LRRC69: variants seen among roughly 807,000 people sequenced by gnomAD.
LRRC69 encodes leucine-rich repeat-containing protein 69.
LRRC69 carries 42 observed loss-of-function variants against 37.8 expected under a neutral mutation model. The ratio of observed to expected loss-of-function variants is 1.11; its 90% CI spans 0.87 to 1.44. LRRC69 has a LOEUF of 1.44. LRRC69 is among the 40% of genes most tolerant of loss of function. LRRC69 has a pLI of 0.00. For missense variants in LRRC69, 357 were observed against 401.9 expected, an observed-to-expected ratio of 0.89 and a Z score of 0.96; for synonymous variants, 141 against 143.1, an observed-to-expected ratio of 0.99 and a Z score of 0.11.
At chr8:91,122,008 A>G (rs1162019514) in intron 1 of LRRC69, among the ~76,000 whole-genome samples, 1 of 152,086 alleles carries the variant, frequency 6.6e-6, no homozygotes, top group Non-Finnish European at 1.5e-5. Context: ...GTTACTATGT[A>G]TCTTCATATA....
At chr8:91,158,106 C>T (rs905853038) in intron 5 of LRRC69, 2 of 1,543,448 alleles carry the variant, frequency 1.3e-6, no homozygotes, top group Non-Finnish European at 1.8e-6. Context: ...GAGAGTTCTA[C>T]ATTTATTCCA....
chr8:91,157,894 CA>C, intron 5 of LRRC69: 1 of 1,584,318 alleles, frequency 6.3e-7, no homozygotes, highest in Non-Finnish European at 8.7e-7. Context: ...GAGAGTTTTA[CA>C]TAGGCTCAAA....
At chr8:91,144,199 C>A (rs1373482534) in intron 5 of LRRC69, among the ~76,000 whole-genome samples, 1 of 151,964 alleles carries the variant, frequency 6.6e-6, no homozygotes, top group Non-Finnish European at 1.5e-5. Context: ...TCTCTGAAGG[C>A]TTTCAAAGCC....
At chr8:91,124,762 A>C (rs1813690478) in intron 2 of LRRC69, 143 bp downstream of exon 2, 1 of 640,342 alleles carries the variant, frequency 1.6e-6, no homozygotes. Context: ...GAAATATAGG[A>C]GGAGACAACA....
chr8:91,208,591 G>A (rs1327580949), intron 7 of LRRC69, among the ~76,000 whole-genome samples: 1 of 152,098 alleles, frequency 6.6e-6, no homozygotes, highest in Non-Finnish European at 1.5e-5. Flanking sequence ...CCATTCTACT[G>A]GAAAGTTTAC....
At chr8:91,115,475 G>A (rs1168501823) in intron 1 of LRRC69, among the ~76,000 whole-genome samples, 2 of 151,936 alleles carry the variant, frequency 1.3e-5, no homozygotes, top group Admixed American at 1.3e-4. Flanking sequence ...GTATTTAAAG[G>A]TTCTGTGGAA....
chr8:91,158,513 A>C, intron 5 of LRRC69: 1 of 1,120,740 alleles, frequency 8.9e-7, no homozygotes, highest in Non-Finnish European at 1.4e-6. Context: ...AGATGAAGCC[A>C]ATGGGCGATG....
intron 5 of LRRC69, among the ~76,000 whole-genome samples, chr8:91,163,792 T>A (rs1475438952): frequency 6.7e-6 from 1 of 150,352 alleles, no homozygotes; most frequent in Non-Finnish European, 1.5e-5. Context: ...TAGAAAAAAA[T>A]TAAAAGATTA....
chr8:91,140,603 A>G (rs1022750854), intron 5 of LRRC69, among the ~76,000 whole-genome samples: 2 of 151,100 alleles, frequency 1.3e-5, no homozygotes, highest in African/African-American at 4.8e-5. Flanking sequence ...ATTATATATT[A>G]AGCACTTTCC....
At chr8:91,208,289 G>A (rs2130640126) in intron 7 of LRRC69, among the ~76,000 whole-genome samples, 1 of 152,240 alleles carries the variant, frequency 6.6e-6, no homozygotes, top group African/African-American at 2.4e-5. Context: ...ACCTGGTGAT[G>A]TGGATTTAAA....
chr8:91,176,134 A>ATATATATATATATATTTTTTTTTTTTTTT, intron 5 of LRRC69, among the ~76,000 whole-genome samples: 5 of 75,700 alleles, frequency 6.6e-5, no homozygotes, highest in African/African-American at 3.0e-4. Context: ...ATATATATAT[A>ATATATATATATATATTTTTTTTTTTTTTT]TTTTTTTTTT....
intron 7 of LRRC69, among the ~76,000 whole-genome samples, chr8:91,201,528 C>G (rs1483188079): frequency 1.3e-5 from 2 of 151,172 alleles, no homozygotes; most frequent in South Asian, 2.1e-4. Flanking sequence ...TTTTTTCAAC[C>G]ATTTAAAAAT....
rs577961737 is a variant in LRRC69, at chr8:91,162,985, T to C, written c.652-26537T>C. On this transcript the variant is annotated intron_variant, in intron 5 of 7. Coordinates refer to ENST00000448384, the Ensembl canonical transcript of LRRC69. ...TGTTGGTTCTTTTTCAAATCTACTATGTTACTTTTTACACTTTTCATTTAT... is the reference window on the plus strand; with the variant it reads ...TGTTGGTTCTTTTTCAAATCTACTACGTTACTTTTTACACTTTTCATTTAT... 1.1e-3 allele frequency among the ~76,000 whole-genome samples: 174 copies of C among 151,508 alleles called. 1 individual carries two copies. Among genetic ancestry groups the C allele is most frequent in the African/African-American group, 4.1e-3 (171 of 41,476 alleles).
At chr8:91,109,696 A>G (rs1353055758) in intron 1 of LRRC69, among the ~76,000 whole-genome samples, 1 of 152,040 alleles carries the variant, frequency 6.6e-6, no homozygotes, top group Non-Finnish European at 1.5e-5. Context: ...TTGGGATTTA[A>G]GGGGCCAGCA....
intron 6 of LRRC69, among the ~76,000 whole-genome samples, chr8:91,196,936 A>G (rs1292871412): frequency 6.6e-6 from 1 of 151,756 alleles, no homozygotes; most frequent in Non-Finnish European, 1.5e-5. Flanking sequence ...TAGAGTTTCC[A>G]GTTTTTCTGT....
At chr8:91,143,985 C>G (rs530774126) in intron 5 of LRRC69, among the ~76,000 whole-genome samples, 2 of 151,932 alleles carry the variant, frequency 1.3e-5, no homozygotes, top group Non-Finnish European at 2.9e-5. Flanking sequence ...ATTAATAACA[C>G]TTGTATACAT....
At chr8:91,213,046 T>A (rs780720737) in intron 7 of LRRC69, among the ~76,000 whole-genome samples, 2 of 152,174 alleles carry the variant, frequency 1.3e-5, no homozygotes, top group African/African-American at 2.4e-5. Flanking sequence ...TTCTTCTAAA[T>A]AATCTTACAT....
At chr8:91,179,620 C>G (rs1256035083) in intron 5 of LRRC69, among the ~76,000 whole-genome samples, 1 of 152,176 alleles carries the variant, frequency 6.6e-6, no homozygotes, top group Non-Finnish European at 1.5e-5. Context: ...AGCAAACATT[C>G]TTTCTAAAGA....
chr8:91,103,888 C>T (rs555764669), intron 1 of LRRC69, among the ~76,000 whole-genome samples: 1 of 151,990 alleles, frequency 6.6e-6, no homozygotes, highest in African/African-American at 2.4e-5. Context: ...CCTATTCTCT[C>T]CCTCTATTTG....
Sources: gnomAD v4.1 joint callset for allele counts (sites outside exome capture counted in the v4.1 genomes callset) on GRCh38, gnomAD v4.1.1 for gene constraint, MANE v1.5 for transcripts, NCBI Gene and HGNC (gene_info 2026-07-23, HGNC 2026-07-21) for gene names.